Variants in ATP2C2 observed in about 807,000 individuals in gnomAD.
ATP2C2 encodes the protein calcium-transporting ATPase type 2C member 2.
In ATP2C2, 171 loss-of-function variants were observed where a neutral mutation model predicts 110.8. That is an observed-to-expected ratio of 1.54 (90% CI 1.36 to 1.75). ATP2C2 has a LOEUF of 1.75. ATP2C2 is among the 40% of genes most tolerant of loss of function. The pLI, the probability that ATP2C2 is intolerant of heterozygous loss-of-function variation, is 0.00. For synonymous variants in ATP2C2, 804 were observed against 508.4 expected, an observed-to-expected ratio of 1.58 and a Z score of -7.82; for missense variants, 1,963 against 1,235.0, an observed-to-expected ratio of 1.59 and a Z score of -8.84.
intron 1 of ATP2C2, among the ~76,000 whole-genome samples, chr16:84,392,105 C>T (rs796558952): frequency 7.9e-5 from 12 of 151,034 alleles, no homozygotes; most frequent in African/African-American, 2.9e-4. Flanking sequence ...CAGAAATAGA[C>T]AGAATAATGG....
chr16:84,401,956 C>T lies in ATP2C2; in HGVS notation c.211-3172C>T, dbSNP rs1283039323. Reference sequence around the variant, plus strand: ...TTTTAACAATATTGATTTTTCCAACCCATGAACATGGAATATCTTTCCATT... The same window carrying T: ...TTTTAACAATATTGATTTTTCCAACTCATGAACATGGAATATCTTTCCATT... On this transcript the variant is annotated intron_variant, in intron 2 of 26. Transcript: ENST00000262429. Among the ~76,000 whole-genome samples the T allele has an allele frequency of 1.2e-4, 18 of 151,556 alleles. 1 individual carries two copies. The highest frequency in any genetic ancestry group is 1.2e-3 in the Admixed American group (18 of 15,234).
intron 1 of ATP2C2, among the ~76,000 whole-genome samples, chr16:84,396,612 G>T (rs1904998317): frequency 6.6e-6 from 1 of 151,076 alleles, no homozygotes; most frequent in South Asian, 2.1e-4. Context: ...AAATGGCAAG[G>T]CTGAGGGCAG....
rs868518278 is a variant in ATP2C2, at chr16:84,390,699, C to T, written c.100-7800C>T. On this transcript the variant is annotated intron_variant, in intron 1 of 26. Transcript: ENST00000262429. ...GGCGGTGAAAGTGTTTGGGGATGAG[C>T]TCCACGTGGTGCCTGCACAACATTG... Among the ~76,000 whole-genome samples, 15 of 152,250 alleles carry T rather than the reference C, an allele frequency of 9.9e-5. No homozygotes were observed. In the South Asian group the frequency reaches 2.9e-3, roughly 29 times the overall value.
Position 84,461,694 on chromosome 16 carries a change from C to G in ATP2C2, c.2482-20C>G. 6.2e-7 allele frequency: 1 copy of G among 1,608,474 alleles called. No individual in the cohort carries two copies. Among genetic ancestry groups the G allele is most frequent in the South Asian group, 1.1e-5 (1 of 90,968 alleles). On this transcript the variant is annotated intron_variant, in intron 24 of 26. Transcript: ENST00000262429. ...TTGTCTCTTCCCGCCTAACCTCTCA[C>G]CTTTGTGCTCACCTTCCAGATGCCT...
Position 84,445,691 on chromosome 16 carries a change from C to G in ATP2C2, c.1402-638C>G, listed in dbSNP as rs561502240. ...AGGAGATGGTTTAGGCATTTCTTCC[C>G]TAATCACCCCACTCCCTCCCCATGA... On this transcript the variant is annotated intron_variant, in intron 15 of 26. Transcript: ENST00000262429. Among the ~76,000 whole-genome samples the G allele has an allele frequency of 4.6e-5, 7 of 152,326 alleles. No individual in the cohort carries two copies. The South Asian group carries it at 1.4e-3, about 32-fold the overall frequency.
intron 21 of ATP2C2, among the ~76,000 whole-genome samples, chr16:84,455,557 A>G (rs1010427407): frequency 2.8e-5 from 3 of 107,762 alleles, no homozygotes; most frequent in African/African-American, 1.0e-4. Flanking sequence ...TTCTTAATAC[A>G]TTTACCTTCC....
intron 18 of ATP2C2, among the ~76,000 whole-genome samples, chr16:84,452,479 G>A (rs1444284488): frequency 6.8e-6 from 1 of 146,226 alleles, no homozygotes. Context: ...AGGGCTAGCA[G>A]CCCTTCTCCT....
intron 9 of ATP2C2, 140 bp from the exon 10 acceptor site, chr16:84,423,048 A>C (rs1465939816): frequency 2.8e-6 from 2 of 704,480 alleles, no homozygotes; most frequent in Non-Finnish European, 5.0e-6. Flanking sequence ...CTTCAGTGCA[A>C]AAGTCAATGA....
intron 1 of ATP2C2, among the ~76,000 whole-genome samples, chr16:84,387,944 G>C (rs1194274157): frequency 6.8e-6 from 1 of 146,398 alleles, no homozygotes; most frequent in Non-Finnish European, 1.5e-5. Context: ...TTTTTTAATA[G>C]AAGCACCTGG....
chr16:84,412,990 T>C (rs1273463472), intron 6 of ATP2C2, among the ~76,000 whole-genome samples: 2 of 151,770 alleles, frequency 1.3e-5, no homozygotes, highest in Non-Finnish European at 2.9e-5. Flanking sequence ...TCCCAGCTAC[T>C]TGGGAGGCTG....
At chr16:84,377,633 A>G (rs998650212) in intron 1 of ATP2C2, among the ~76,000 whole-genome samples, 1 of 152,088 alleles carries the variant, frequency 6.6e-6, no homozygotes, top group Non-Finnish European at 1.5e-5. Flanking sequence ...CACCAATGAC[A>G]TCATTTAGCT....
chr16:84,394,780 A>G (rs1049293838), intron 1 of ATP2C2, among the ~76,000 whole-genome samples: 9 of 152,068 alleles, frequency 5.9e-5, no homozygotes, highest in African/African-American at 2.2e-4. Context: ...GTGTCTCCAC[A>G]TGGACTTCCC....
intron 3 of ATP2C2, among the ~76,000 whole-genome samples, chr16:84,408,135 G>GT (rs1236788249): frequency 1.3e-5 from 2 of 152,194 alleles, no homozygotes; most frequent in Non-Finnish European, 2.9e-5. Context: ...TGGAGATGTG[G>GT]AGAGGCGAGA....
chr16:84,459,681 G>C (rs1911078919), intron 23 of ATP2C2: 1 of 1,208,764 alleles, frequency 8.3e-7, no homozygotes, highest in Non-Finnish European at 1.2e-6. Flanking sequence ...CCAGTCACCA[G>C]TCACTGCCTT....
At chr16:84,442,813 C>T (rs1909394825) in intron 15 of ATP2C2, among the ~76,000 whole-genome samples, 1 of 152,136 alleles carries the variant, frequency 6.6e-6, no homozygotes, top group Non-Finnish European at 1.5e-5. Context: ...GGTCTCTAAT[C>T]CCTCCACCAG....
At chr16:84,445,785 TG>T (rs1909690568) in intron 15 of ATP2C2, among the ~76,000 whole-genome samples, 1 of 152,252 alleles carries the variant, frequency 6.6e-6, no homozygotes, top group Admixed American at 6.5e-5. Flanking sequence ...AGTAGTTTTT[TG>T]TGCCCCTGCT....
At position 84,374,864 on chromosome 16, in the gene ATP2C2, C is replaced by T. The variant is rs569688030; in HGVS notation, c.99+6150C>T. Reference sequence around the variant, plus strand: ...AGACCCGAGAGTTTGGGTTTTATTGCCACCCCACCTAATAATCTATCAAAA... The same window carrying T: ...AGACCCGAGAGTTTGGGTTTTATTGTCACCCCACCTAATAATCTATCAAAA... On this transcript the variant is annotated intron_variant, in intron 1 of 26. Transcript: ENST00000262429. Among the ~76,000 whole-genome samples, 3 of 152,172 alleles carry T rather than the reference C, an allele frequency of 2.0e-5. No individual in the cohort carries two copies. In the South Asian group the frequency reaches 6.3e-4, roughly 32 times the overall value.
At chr16:84,369,105 A>T (rs1208907886) in intron 1 of ATP2C2, among the ~76,000 whole-genome samples, 1 of 152,240 alleles carries the variant, frequency 6.6e-6, no homozygotes, top group African/African-American at 2.4e-5. Flanking sequence ...GGAAAATAAA[A>T]TTAGAGGGAT....
chr16:84,447,207 C>T (rs1909832189), intron 16 of ATP2C2, among the ~76,000 whole-genome samples: 2 of 152,224 alleles, frequency 1.3e-5, no homozygotes, highest in South Asian at 4.1e-4. Flanking sequence ...TCAGCTCCCA[C>T]TCAGGGCTGT....
Sources: allele counts gnomAD v4.1 joint callset (sites outside exome capture counted in the v4.1 genomes callset), GRCh38; gene constraint gnomAD v4.1.1; transcripts MANE v1.5; gene names NCBI Gene and HGNC (gene_info 2026-07-23, HGNC 2026-07-21).